AGAP3: variants seen among roughly 807,000 people sequenced by gnomAD.
AGAP3 encodes the protein arf-GAP with GTPase, ANK repeat and PH domain-containing protein 3.
AGAP3 carries 24 observed loss-of-function variants against 96.9 expected under a neutral mutation model. That is an observed-to-expected ratio of 0.25 (90% confidence interval 0.18 to 0.35). The LOEUF is 0.35. Ranked by LOEUF, AGAP3 falls within the 10% of genes least tolerant of loss-of-function variation. The probability of loss-of-function intolerance (pLI) is 1.00; values close to 1 mark genes in which losing one functional copy is unlikely to be tolerated. For missense variants in AGAP3, 876 were observed against 1,254.2 expected (o/e 0.70, Z 4.55); for synonymous variants, 563 against 536.1 (o/e 1.05, Z -0.69).
In AGAP3 at chr7:151,114,825, T is replaced by G. The variant is rs1425424090; in HGVS notation, c.332-1968T>G. On this transcript the variant is annotated intron_variant, in intron 1 of 17. Transcript: ENST00000397238. The surrounding 1 kb of genome is among the most constrained non-coding windows in gnomAD (Gnocchi z 4.4). ...CTGTCCCGGGGAGCGGCCCGCCGCT[T>G]GCCGCCGCGCCCACAGCGTCTGCGA... 1.9e-6 allele frequency: 2 copies of G among 1,055,116 alleles called. No individual in the cohort carries two copies. 65.4% of individuals were successfully genotyped at this position (1,055,116 alleles called of 1,614,324 possible).
rs1055860624 is a variant in AGAP3 at position 151,118,431 on chromosome 7, G to A, written c.842-74G>A. On this transcript the variant is annotated intron_variant, in intron 6 of 17. Transcript: ENST00000397238. The surrounding 1 kb of genome is among the most constrained non-coding windows in gnomAD (Gnocchi z 6.1). ...GCTCCCAGTGAGAGCAAGGCTGTGTGTCTGGGGGGAGGTGCTAAGCCAGGC... is the reference window on the plus strand; with the variant it reads ...GCTCCCAGTGAGAGCAAGGCTGTGTATCTGGGGGGAGGTGCTAAGCCAGGC... The A allele has an allele frequency of 9.4e-6, 15 of 1,600,358 alleles. No individual in the cohort carries two copies. In the South Asian group the frequency reaches 1.4e-4, roughly 15 times the overall value.
chr7:151,115,703 C>T (rs961933745), intron 1 of AGAP3: 5 of 1,031,232 alleles, frequency 4.8e-6, no homozygotes, highest in East Asian at 1.0e-4. Context: ...AAGCCGGACG[C>T]GCCCAGGGCA....
rs76925600 is a variant in AGAP3, at chr7:151,141,892, C to T, written c.1805-6C>T. On this transcript the variant is annotated splice_polypyrimidine_tract_variant and splice_region_variant and intron_variant, in intron 13 of 17. Transcript: ENST00000397238. The surrounding 1 kb of genome is among the most constrained non-coding windows in gnomAD (Gnocchi z 4.2). ...AGCCCTGATGGCATAAACACCCCCCCAACAGAGGCAGAGGAGTCGTTTGAA... is the reference window on the plus strand; with the variant it reads ...AGCCCTGATGGCATAAACACCCCCCTAACAGAGGCAGAGGAGTCGTTTGAA... 1.2e-6 allele frequency: 2 copies of T among 1,614,154 alleles called. No individual in the cohort carries two copies. Among genetic ancestry groups the T allele is most frequent in the Non-Finnish European group, 8.5e-7 (1 of 1,180,014 alleles).
intron 1 of AGAP3, chr7:151,115,293 G>C: frequency 3.0e-6 from 3 of 1,003,128 alleles, no homozygotes; most frequent in Non-Finnish European, 3.6e-6. Context: ...CGGCGGGCGC[G>C]GGCCGGAGGG....
rs924591366 is a variant in AGAP3, at chr7:151,088,051, T to C, written c.331+979T>C. Among the ~76,000 whole-genome samples the C allele has an allele frequency of 3.9e-5, 6 of 152,310 alleles. No homozygotes were observed. The South Asian group carries it at 1.2e-3, about 32-fold the overall frequency. ...GTGGTGGGTTTGGCCTCAGTGGAAA[T>C]GCAGTGAGAGCCAAGGCCTTTTGCG... is the stretch of plus-strand genomic sequence containing the variant. On this transcript the variant is annotated intron_variant, in intron 1 of 17. Coordinates refer to ENST00000397238, the MANE Select transcript of AGAP3 (RefSeq NM_031946.7).
chr7:151,114,834 GC>G lies in AGAP3; in HGVS notation c.332-1956del. 9.5e-7 allele frequency: 1 copy of G among 1,055,302 alleles called. No individual in the cohort carries two copies. The highest frequency in any genetic ancestry group is 3.3e-5 in the South Asian group (1 of 29,948). 65.4% of individuals were successfully genotyped at this position (1,055,302 alleles called of 1,614,324 possible). A position where few individuals can be genotyped will look rare whatever the true frequency, so the allele number is the denominator to read the frequency against. ...GGAGCGGCCCGCCGCTTGCCGCCGCGCCCACAGCGTCTGCGACTCGCTGGAC... is the reference window on the plus strand; with the variant it reads ...GGAGCGGCCCGCCGCTTGCCGCCGCGCCACAGCGTCTGCGACTCGCTGGAC... On this transcript the variant is annotated intron_variant, in intron 1 of 17. Coordinates refer to ENST00000397238, the MANE Select transcript of AGAP3 (RefSeq NM_031946.7). This position sits in a 1 kb window ranked among gnomAD's most constrained non-coding sequence, Gnocchi z 4.4.
chr7:151,104,664 C>T (rs1159580002), intron 1 of AGAP3, among the ~76,000 whole-genome samples: 1 of 152,260 alleles, frequency 6.6e-6, no homozygotes, highest in Admixed American at 6.5e-5. Context: ...CCGACATCCC[C>T]ACCCACGGCT....
At chr7:151,092,555 T>C (rs896920972) in intron 1 of AGAP3, among the ~76,000 whole-genome samples, 6 of 152,182 alleles carry the variant, frequency 3.9e-5, no homozygotes, top group Non-Finnish European at 7.3e-5. Flanking sequence ...GGGTGGTGCA[T>C]GTTCCACCCG....
chr7:151,119,868 C>T, intron 7 of AGAP3, 119 bp from the exon 8 acceptor site: 1 of 890,610 alleles, frequency 1.1e-6, no homozygotes, highest in Non-Finnish European at 1.7e-6. Flanking sequence ...GGCTAGTGGC[C>T]CCTCTGCTGC....
intron 8 of AGAP3, chr7:151,123,525 C>T (rs761981367): frequency 1.7e-4 from 212 of 1,277,378 alleles, no homozygotes; most frequent in Admixed American, 2.1e-4. Flanking sequence ...CCCGGGCGTG[C>T]TCCTCGCGCC....
rs753293342 is a variant in AGAP3, at chr7:151,138,257, G to GCGC, written c.1613_1615dup (p.Ala538dup). 35 of 1,612,912 alleles carry GCGC rather than the reference G, an allele frequency of 2.2e-5. No individual in the cohort carries two copies. The highest frequency in any genetic ancestry group is 2.9e-5 in the Non-Finnish European group (34 of 1,179,816). ...CACCAGCGCTCCTGCTCCGTTTCCAGCGCCGACCAGTGGAGTGAGGCCACC... is the reference window on the plus strand; with the variant it reads ...CACCAGCGCTCCTGCTCCGTTTCCAGCGCCGCCGACCAGTGGAGTGAGGCCACC... On this transcript the variant is annotated inframe_insertion, in exon 12 of 18. Transcript: ENST00000397238.
Position 151,114,754 on chromosome 7 carries a change from G to T in AGAP3, c.332-2039G>T. On this transcript the variant is annotated intron_variant, in intron 1 of 17. Transcript: ENST00000397238. This position sits in a 1 kb window ranked among gnomAD's most constrained non-coding sequence, Gnocchi z 4.4. ...GCCCCTCGCCATGGGCCTGGCCCGC[G>T]CCCGCCGGCCCTGAGCATGGAGCGG... 2.9e-6 allele frequency: 3 copies of T among 1,017,482 alleles called. No individual in the cohort carries two copies. The highest frequency in any genetic ancestry group is 2.3e-6 in the Non-Finnish European group (2 of 852,106). The allele number at this position is 1,017,482 out of a possible 1,614,324, so 63.0% of individuals were successfully genotyped here.
chr7:151,113,141 C>T (rs1009739510), intron 1 of AGAP3, among the ~76,000 whole-genome samples: 1 of 152,158 alleles, frequency 6.6e-6, no homozygotes, highest in African/African-American at 2.4e-5. Context: ...GGCAGATACA[C>T]GTAGATAGGG....
intron 1 of AGAP3, among the ~76,000 whole-genome samples, chr7:151,116,148 G>T (rs1411698698): frequency 6.6e-6 from 1 of 152,220 alleles, no homozygotes; most frequent in Non-Finnish European, 1.5e-5. Context: ...TCTGGGTAAA[G>T]GGACTTGCCA....
intron 4 of AGAP3, 30 bp from the exon 5 acceptor site, chr7:151,117,606 C>G (rs144199072): frequency 6.2e-7 from 1 of 1,612,542 alleles, no homozygotes; most frequent in Admixed American, 1.7e-5. Flanking sequence ...GGTCCAGTTG[C>G]GGGTGCTAAT....
rs1198714143 is a variant in AGAP3, at chr7:151,108,033, C to T, written c.332-8760C>T. Among the ~76,000 whole-genome samples the T allele has an allele frequency of 1.3e-5, 2 of 152,164 alleles. No homozygotes were observed. The highest frequency in any genetic ancestry group is 2.9e-5 in the Non-Finnish European group (2 of 68,034). On this transcript the variant is annotated intron_variant, in intron 1 of 17. Coordinates refer to ENST00000397238, the MANE Select transcript of AGAP3 (RefSeq NM_031946.7). This position sits in a 1 kb window ranked among gnomAD's most constrained non-coding sequence, Gnocchi z 4.2. ...TGCGGGGGGTGCAGCACATGCTGGT[C>T]GCGTTCCTCTCCAGGGAGGAGCTGC...
chr7:151,124,170 C>G (rs1800056111), intron 9 of AGAP3, among the ~76,000 whole-genome samples: 2 of 152,234 alleles, frequency 1.3e-5, no homozygotes, highest in Non-Finnish European at 2.9e-5. Context: ...GCCTGTCCCG[C>G]TGGTTCTGGA....
At chr7:151,128,861 C>T (rs890651001) in intron 10 of AGAP3, among the ~76,000 whole-genome samples, 177 bp downstream of exon 10, 2 of 152,228 alleles carry the variant, frequency 1.3e-5, no homozygotes, top group Non-Finnish European at 2.9e-5. Context: ...GCACAAGACC[C>T]GGCTGGCCCC....
At chr7:151,138,733 A>C (rs973626080) in intron 12 of AGAP3, among the ~76,000 whole-genome samples, 9 of 152,190 alleles carry the variant, frequency 5.9e-5, no homozygotes, top group African/African-American at 1.7e-4. Context: ...GCGGCTGAGT[A>C]GGGAGGTCGG....
Sources: gnomAD v4.1 joint callset for allele counts (sites outside exome capture counted in the v4.1 genomes callset) on GRCh38, gnomAD v4.1.1 for gene constraint, Gnocchi (gnomAD v3.1) non-coding constraint, MANE v1.5 for transcripts, NCBI Gene and HGNC (gene_info 2026-07-23, HGNC 2026-07-21) for gene names.